Variants in ZNF573 observed in about 807,000 individuals in gnomAD.
ZNF573 encodes zinc finger protein 573.
A neutral mutation model predicts 57.4 loss-of-function variants in ZNF573; 41 were observed. The ratio of observed to expected loss-of-function variants is 0.71; its 90% CI spans 0.56 to 0.93. The LOEUF is 0.93. Ranked by LOEUF, ZNF573 falls within the 40% of genes least tolerant of loss-of-function variation. The pLI, the probability that ZNF573 is intolerant of heterozygous loss-of-function variation, is 0.00. For synonymous variants in ZNF573, 249 were observed against 261.0 expected (o/e 0.95, Z 0.44); for missense variants, 730 against 794.8 (o/e 0.92, Z 0.98).
chr19:37,739,384 A>G lies in ZNF573; in HGVS notation c.1106T>C (p.Leu369Ser). 11 of 1,613,888 alleles carry G rather than the reference A, an allele frequency of 6.8e-6. No homozygotes were observed. Among genetic ancestry groups the G allele is most frequent in the East Asian group, 2.2e-5 (1 of 44,846 alleles). ...CTGATGCCGAGTAAGATTTCTATAC[A>G]AAGTAAAGGTTTTCTTACACTCCTT... ...ECKECKKTFT[L>S]YRNLTRHQNI... The change falls in exon 5 of 5, where the codon TTG becomes TCG. Residue 369 changes from leucine to serine, a missense_variant. Transcript: ENST00000536220.
At chr19:37,770,591 C>T (rs1162839282) in intron 3 of ZNF573, 4 of 127,500 alleles carry the variant, frequency 3.1e-5, no homozygotes, top group African/African-American at 1.2e-4. Flanking sequence ...AGAGCGAGAC[C>T]TCATCTCTAC....
At chr19:37,763,850 G>A (rs2045575325) in intron 4 of ZNF573, among the ~76,000 whole-genome samples, 1 of 152,054 alleles carries the variant, frequency 6.6e-6, no homozygotes, top group African/African-American at 2.4e-5. Context: ...GGTCACCTGA[G>A]TTTGGGAGTT....
At chr19:37,763,626 T>G (rs2145315993) in intron 4 of ZNF573, among the ~76,000 whole-genome samples, 1 of 152,068 alleles carries the variant, frequency 6.6e-6, no homozygotes, top group East Asian at 1.9e-4. Flanking sequence ...AAGCATATGA[T>G]GCAATGACTA....
chr19:37,751,958 T>C lies in ZNF573; in HGVS notation c.296-11764A>G, dbSNP rs2909108. Among the ~76,000 whole-genome samples, 69 of 12,188 alleles carry C rather than the reference T, an allele frequency of 5.7e-3. 21 individuals are homozygous for C. The highest frequency in any genetic ancestry group is 9.9e-3 in the Non-Finnish European group (26 of 2,636). The allele number at this position is 12,188 out of a possible 152,430, so 8.0% of individuals were successfully genotyped here. A position where few individuals can be genotyped will look rare whatever the true frequency, so the allele number is the denominator to read the frequency against. On this transcript the variant is annotated intron_variant, in intron 4 of 4. Coordinates refer to ENST00000536220, the MANE Select transcript of ZNF573 (RefSeq NM_001172690.2). ...TATATACTGTATATAGTACATAGTA[T>C]CGTATATATACTGTATATAGTACAT...
intron 1 of ZNF573, among the ~76,000 whole-genome samples, chr19:37,776,276 T>C (rs1396031280): frequency 6.6e-6 from 1 of 152,064 alleles, no homozygotes; most frequent in African/African-American, 2.4e-5. Context: ...GGGACTGGTA[T>C]AAAAACAGGC....
At chr19:37,748,507 A>G (rs980629279) in intron 4 of ZNF573, among the ~76,000 whole-genome samples, 1 of 152,234 alleles carries the variant, frequency 6.6e-6, no homozygotes, top group Non-Finnish European at 1.5e-5. Context: ...AAAATGTTTA[A>G]TCTTACTCTA....
chr19:37,767,861 T>G (rs1005193797), intron 4 of ZNF573, among the ~76,000 whole-genome samples: 11 of 152,176 alleles, frequency 7.2e-5, no homozygotes, highest in African/African-American at 2.6e-4. Context: ...TTGCGAAAAC[T>G]TAAAAAGACT....
At chr19:37,748,619 G>C (rs748796216) in intron 4 of ZNF573, among the ~76,000 whole-genome samples, 5 of 152,050 alleles carry the variant, frequency 3.3e-5, no homozygotes, top group East Asian at 1.9e-4. Context: ...ATGTAGTAAG[G>C]TAACACCAAG....
Position 37,771,637 on chromosome 19 carries a change from T to G in ZNF573, c.129A>C (p.Glu43Asp), listed in dbSNP as rs2045660185. ...AGTCCCTCTGATTAGGGTCCAGGTA[T>G]TCCCACTCCTGCCGAGAGAAGTCTA... ...VAIDFSRQEW[E>D]YLDPNQRDLY... is the part of the protein sequence containing the mutation. The change falls in exon 3 of 5, where the codon GAA (glutamate) becomes GAC (aspartate). Residue 43 changes from glutamate (E) to aspartate (D), a missense_variant. Transcript: ENST00000536220. 6.2e-7 allele frequency: 1 copy of G among 1,603,118 alleles called. No individual in the cohort carries two copies. The highest frequency in any genetic ancestry group is 1.7e-5 in the Admixed American group (1 of 57,380).
At chr19:37,777,123 A>G (rs1033907990) in intron 1 of ZNF573, among the ~76,000 whole-genome samples, 3 of 152,188 alleles carry the variant, frequency 2.0e-5, no homozygotes, top group African/African-American at 4.8e-5. Context: ...TGATCCAGCA[A>G]TCCCACTAAT....
chr19:37,761,634 C>T (rs988568691), intron 4 of ZNF573, among the ~76,000 whole-genome samples: 5 of 152,166 alleles, frequency 3.3e-5, no homozygotes, highest in Admixed American at 1.3e-4. Context: ...TCCCCCATTC[C>T]GGAAGGAAGG....
chr19:37,771,746 G>A (rs766948035), intron 2 of ZNF573, 50 bp from the exon 3 acceptor site: 4 of 1,555,718 alleles, frequency 2.6e-6, no homozygotes, highest in Non-Finnish European at 3.5e-6. Flanking sequence ...AAGAAGGAAA[G>A]ATAGGAGATT....
intron 3 of ZNF573, 30 bp from the exon 4 acceptor site, chr19:37,770,127 A>G (rs2045641742): frequency 1.3e-6 from 2 of 1,489,764 alleles, no homozygotes; most frequent in South Asian, 2.6e-5. Flanking sequence ...CACATGGTAT[A>G]AAAATAAAAA....
chr19:37,751,147 GTATA>G (rs1568418164), intron 4 of ZNF573, among the ~76,000 whole-genome samples: 1 of 101,374 alleles, frequency 9.9e-6, no homozygotes. Context: ...TATATACTGT[GTATA>G]TATACAGTAT....
chr19:37,740,281 A>ACT, intron 4 of ZNF573, 87 bp from the exon 5 acceptor site: 1 of 1,244,494 alleles, frequency 8.0e-7, no homozygotes, highest in Non-Finnish European at 1.1e-6. Context: ...ACCAACATTC[A>ACT]TAATAAGTGA....
intron 4 of ZNF573, chr19:37,759,169 G>A (rs1019858432): frequency 5.0e-6 from 3 of 599,606 alleles, no homozygotes; most frequent in African/African-American, 2.0e-5. Flanking sequence ...ACAAAATAAC[G>A]AATCACACAA....
At chr19:37,767,543 C>T (rs1305618282) in intron 4 of ZNF573, among the ~76,000 whole-genome samples, 1 of 152,052 alleles carries the variant, frequency 6.6e-6, no homozygotes. Flanking sequence ...GAGATTCATG[C>T]CTTTTAAGAT....
Position 37,738,953 on chromosome 19 carries a change from G to C in ZNF573, c.1537C>G (p.Leu513Val), listed in dbSNP as rs561805450. 20 of 1,610,886 alleles carry C rather than the reference G, an allele frequency of 1.2e-5. No individual in the cohort carries two copies. In the Admixed American group the frequency reaches 3.3e-4, roughly 27 times the overall value. Residue 513 changes from leucine (L) to valine (V), a missense_variant, in exon 5 of 5, where the codon CTT becomes GTT. Transcript: ENST00000536220. ...GTATGAATTTTCTGATGTTGATTAA[G>C]ATATCCATGCAAGCTAAAGGTCTTG... ...CGKTFSLHGYLNQHQKIHTGM... is the reference protein window; with the variant it reads ...CGKTFSLHGYVNQHQKIHTGM...
intron 1 of ZNF573, among the ~76,000 whole-genome samples, chr19:37,774,388 G>A (rs1599710370): frequency 2.0e-5 from 3 of 151,948 alleles, no homozygotes; most frequent in African/African-American, 7.2e-5. Flanking sequence ...TGATTCACCC[G>A]CCTTGGCCTC....
Sources: gnomAD v4.1 joint callset for allele counts (sites outside exome capture counted in the v4.1 genomes callset) on GRCh38, gnomAD v4.1.1 for gene constraint, MANE v1.5 for transcripts, NCBI Gene and HGNC (gene_info 2026-07-23, HGNC 2026-07-21) for gene names.